Variants in SLC12A7 observed in about 807,000 individuals in gnomAD.
SLC12A7 encodes the protein solute carrier family 12 member 7, also known as K-Cl cotransporter 4.
Under a neutral mutation model 120.6 loss-of-function variants are expected in SLC12A7, and 100 were observed. That is an observed-to-expected ratio of 0.83 (90% CI 0.71 to 0.98). SLC12A7 has a LOEUF of 0.98. Ranked by LOEUF, SLC12A7 falls within the 50% of genes least tolerant of loss-of-function variation. The probability of loss-of-function intolerance (pLI) is 0.00; values close to 1 mark genes in which losing one functional copy is unlikely to be tolerated. For synonymous variants in SLC12A7, 760 were observed against 678.0 expected, an observed-to-expected ratio of 1.12 and a Z score of -1.88; for missense variants, 1,373 against 1,548.1, an observed-to-expected ratio of 0.89 and a Z score of 1.90.
At chr5:1,123,376 G>T in the SLC12A7 span, among the ~76,000 whole-genome samples, 2 of 152,170 alleles carry the variant, frequency 1.3e-5, 1 homozygote, top group African/African-American at 4.8e-5. Context: ...GAACCCTTGG[G>T]TCCCAGCACC....
chr5:1,153,015 G>A, the SLC12A7 span, among the ~76,000 whole-genome samples: 2 of 152,238 alleles, frequency 1.3e-5, no homozygotes, highest in Non-Finnish European at 2.9e-5. Flanking sequence ...TTGTCTTAAT[G>A]GCACTGTTAA....
chr5:1,127,023 CTT>C, the SLC12A7 span, among the ~76,000 whole-genome samples: 1 of 146,602 alleles, frequency 6.8e-6, no homozygotes. Context: ...TGACTGATGT[CTT>C]TTTTTTTTTA....
At chr5:1,087,237 A>T (rs4975669) in intron 5 of SLC12A7, among the ~76,000 whole-genome samples, 38 of 152,220 alleles carry the variant, frequency 2.5e-4, no homozygotes, top group Admixed American at 9.1e-4. Context: ...GTTCCACACC[A>T]AGAGCACGCG....
chr5:1,051,988 T>G lies in SLC12A7; in HGVS notation c.*372A>C. ...TCTTCCAAGAATGTTCTGGATGGGG[T>G]AGAAATGCAACCTAACCACTGGGTA... is the stretch of plus-strand genomic sequence containing the variant. On this transcript the variant is annotated 3_prime_UTR_variant, in exon 24 of 24. Coordinates refer to ENST00000264930, the MANE Select transcript of SLC12A7 (RefSeq NM_006598.3). 3.8e-6 allele frequency: 1 copy of G among 266,226 alleles called. No homozygotes were observed. Among genetic ancestry groups the G allele is most frequent in the Non-Finnish European group, 7.1e-6 (1 of 140,072 alleles). The allele number at this position is 266,226 out of a possible 1,614,324, so 16.5% of individuals were successfully genotyped here.
chr5:1,099,637 C>T (rs1741799988), intron 1 of SLC12A7, among the ~76,000 whole-genome samples: 1 of 152,210 alleles, frequency 6.6e-6, no homozygotes, highest in Non-Finnish European at 1.5e-5. Context: ...GACTTATCTC[C>T]ACATTTAAGG....
At chr5:1,077,291 C>G (rs777799185) in intron 12 of SLC12A7, among the ~76,000 whole-genome samples, 13 of 152,214 alleles carry the variant, frequency 8.5e-5, no homozygotes, top group Non-Finnish European at 1.5e-4. Context: ...TGCCGAGGGA[C>G]CAGCGACGGG....
chr5:1,082,837 GGAAAGCCTGGGCTTCCCGTC>G (rs540716329), intron 8 of SLC12A7, among the ~76,000 whole-genome samples: 60 of 146,472 alleles, frequency 4.1e-4, no homozygotes, highest in African/African-American at 1.5e-3. Flanking sequence ...CTTGGGTTCT[GGAAAGCCTGGGCTTCCCGTC>G]TCGGGTTCTG....
At chr5:1,133,453 G>GTTCTTTC in the SLC12A7 span, among the ~76,000 whole-genome samples, 1 of 152,308 alleles carries the variant, frequency 6.6e-6, no homozygotes, top group Admixed American at 6.5e-5. Context: ...GGAGAGGGCT[G>GTTCTTTC]GGTGAGGTGG....
chr5:1,130,549 C>A, the SLC12A7 span, among the ~76,000 whole-genome samples: 8 of 145,054 alleles, frequency 5.5e-5, no homozygotes, highest in South Asian at 2.2e-4. Flanking sequence ...GGGCGGCTGC[C>A]CGCGCAGGTC....
chr5:1,082,934 C>T (rs1223625033), intron 8 of SLC12A7, among the ~76,000 whole-genome samples: 1 of 147,100 alleles, frequency 6.8e-6, no homozygotes, highest in Admixed American at 6.7e-5. Context: ...TCTGGAAAGC[C>T]TGGGCTTCCC....
chr5:1,149,525 C>T, the SLC12A7 span, among the ~76,000 whole-genome samples: 3 of 151,520 alleles, frequency 2.0e-5, no homozygotes, highest in African/African-American at 4.9e-5. Context: ...TGTAGTGAGC[C>T]GAGATGGTGC....
At position 1,076,709 on chromosome 5, in the gene SLC12A7, G is replaced by T; in HGVS notation, c.1733C>A (p.Ala578Asp). The T allele has an allele frequency of 6.2e-7, 1 of 1,610,738 alleles. No homozygotes were observed. Residue 578 changes from alanine to aspartate, a missense_variant, in exon 13 of 24, where the codon GCC becomes GAC. Physicochemically the swap from Ala to Asp is moderately radical, Grantham distance 126 (BLOSUM62 -2). Transcript: ENST00000264930. ...GILIASLDSV[A>D]PILSMFFLMC... Reference sequence around the variant, plus strand: ...GGGGGCTCACATGGAGAGGATCGGGGCCACGCTGTCCAGAGAGGCGATGAG... The same window carrying T: ...GGGGGCTCACATGGAGAGGATCGGGTCCACGCTGTCCAGAGAGGCGATGAG...
the SLC12A7 span, among the ~76,000 whole-genome samples, chr5:1,125,268 AGTGTGTGT>A: frequency 0.11 from 16,878 of 150,442 alleles, 2,146 homozygotes; most frequent in African/African-American, 0.32. Context: ...TTTAAACGAA[AGTGTGTGT>A]GTGTGTGTGT....
At chr5:1,068,950 G>A (rs900524855) in intron 17 of SLC12A7, among the ~76,000 whole-genome samples, 1 of 152,270 alleles carries the variant, frequency 6.6e-6, no homozygotes, top group African/African-American at 2.4e-5. Context: ...CAGCAGGGCA[G>A]TTCCAACTCC....
At chr5:1,146,838 C>A in the SLC12A7 span, among the ~76,000 whole-genome samples, 1 of 152,302 alleles carries the variant, frequency 6.6e-6, no homozygotes, top group African/African-American at 2.4e-5. This position sits in a 1 kb window ranked among gnomAD's most constrained non-coding sequence, Gnocchi z 6.5. Context: ...TACCTATGAC[C>A]TGGAAGCCCC....
In SLC12A7 at chr5:1,065,498, T is replaced by C; in HGVS notation, c.2242-20A>G. The C allele has an allele frequency of 6.5e-7, 1 of 1,545,122 alleles. No individual in the cohort carries two copies. Among genetic ancestry groups the C allele is most frequent in the Admixed American group, 1.9e-5 (1 of 53,592 alleles). On this transcript the variant is annotated intron_variant, in intron 17 of 23. Coordinates refer to ENST00000264930, the MANE Select transcript of SLC12A7 (RefSeq NM_006598.3). ...TATGTTCTGCGGGAGACAGGACAGG[T>C]TGGTGCTACAGCAGGAATGGGGTGC... is the stretch of plus-strand genomic sequence containing the variant.
the SLC12A7 span, among the ~76,000 whole-genome samples, chr5:1,143,264 A>G: frequency 2.6e-5 from 4 of 152,230 alleles, no homozygotes; most frequent in Non-Finnish European, 5.9e-5. Context: ...GACCGGCCTC[A>G]TCAGCTCCAG....
intron 22 of SLC12A7, among the ~76,000 whole-genome samples, chr5:1,054,206 C>T (rs545269248): frequency 2.5e-4 from 38 of 152,358 alleles, no homozygotes; most frequent in African/African-American, 8.7e-4. Flanking sequence ...ACCGTGTGGC[C>T]GTCCAGCCCC....
At chr5:1,138,321 G>T in the SLC12A7 span, among the ~76,000 whole-genome samples, 1 of 152,160 alleles carries the variant, frequency 6.6e-6, no homozygotes, top group African/African-American at 2.4e-5. Context: ...CCTGCTGATT[G>T]GTCCATTTTA....
Sources: allele counts gnomAD v4.1 joint callset (sites outside exome capture counted in the v4.1 genomes callset), GRCh38; gene constraint gnomAD v4.1.1; non-coding constraint Gnocchi (gnomAD v3.1); transcripts MANE v1.5; gene names NCBI Gene and HGNC (gene_info 2026-07-23, HGNC 2026-07-21).